Variants in CYRIA observed in about 807,000 individuals in gnomAD.
The protein encoded by CYRIA is CYFIP-related Rac1 interactor A.
A neutral mutation model predicts 43.9 loss-of-function variants in CYRIA; 15 were observed. The ratio of observed to expected loss-of-function variants is 0.34; its 90% confidence interval spans 0.23 to 0.53. The LOEUF (loss-of-function observed/expected upper bound fraction) is 0.53. CYRIA is among the 20% of genes least tolerant of loss of function. The pLI is 0.94. For missense variants in CYRIA, 236 were observed against 394.2 expected (o/e 0.60, Z 3.40); for synonymous variants, 117 against 136.0 (o/e 0.86, Z 0.97).
chr2:16,569,571 T>G (rs1667057590), intron 3 of CYRIA, among the ~76,000 whole-genome samples: 1 of 152,146 alleles, frequency 6.6e-6, no homozygotes. Flanking sequence ...TGGGCCAGAG[T>G]GCCATAAGAT....
chr2:16,622,663 G>T (rs1213464294), intron 2 of CYRIA, among the ~76,000 whole-genome samples: 2 of 152,180 alleles, frequency 1.3e-5, no homozygotes, highest in African/African-American at 2.4e-5. Context: ...GAAGCTTGGG[G>T]ATTTAAAATG....
At chr2:16,557,784 G>A (rs1666577799) in intron 10 of CYRIA, among the ~76,000 whole-genome samples, 1 of 152,058 alleles carries the variant, frequency 6.6e-6, no homozygotes, top group African/African-American at 2.4e-5. Flanking sequence ...AGGGCTACAA[G>A]GCATAATTTT....
At chr2:16,616,349 G>A (rs1347668165) in intron 2 of CYRIA, among the ~76,000 whole-genome samples, 4 of 152,080 alleles carry the variant, frequency 2.6e-5, no homozygotes, top group Admixed American at 1.3e-4. Context: ...TCTCCCCTTG[G>A]CTGGTTTCCC....
At chr2:16,599,696 G>A (rs542581349) in intron 2 of CYRIA, among the ~76,000 whole-genome samples, 236 of 151,332 alleles carry the variant, frequency 1.6e-3, no homozygotes, top group African/African-American at 5.3e-3. Flanking sequence ...CGTCTTCTGC[G>A]TCACTCACGC....
At chr2:16,629,114 A>C (rs1669248582) in intron 1 of CYRIA, among the ~76,000 whole-genome samples, 1 of 117,746 alleles carries the variant, frequency 8.5e-6, no homozygotes, top group African/African-American at 2.8e-5. Context: ...CCAGCACGGG[A>C]ATACAGCTGC....
intron 2 of CYRIA, among the ~76,000 whole-genome samples, chr2:16,621,200 G>T (rs1218166383): frequency 6.6e-6 from 1 of 152,190 alleles, no homozygotes; most frequent in East Asian, 1.9e-4. Context: ...TACCCTGAAG[G>T]CGAGAAAGAC....
At chr2:16,611,729 A>C (rs898022913) in intron 2 of CYRIA, among the ~76,000 whole-genome samples, 1 of 147,044 alleles carries the variant, frequency 6.8e-6, no homozygotes, top group Admixed American at 6.8e-5. Flanking sequence ...AACGTCCTTC[A>C]CTTTGGGATC....
At chr2:16,607,115 T>C (rs1478805914) in intron 2 of CYRIA, among the ~76,000 whole-genome samples, 1 of 152,188 alleles carries the variant, frequency 6.6e-6, no homozygotes, top group South Asian at 2.1e-4. Flanking sequence ...GGCTCTGCCT[T>C]TGTTTCCAGC....
At chr2:16,578,224 C>A (rs541332188) in intron 3 of CYRIA, among the ~76,000 whole-genome samples, 3 of 152,270 alleles carry the variant, frequency 2.0e-5, no homozygotes, top group African/African-American at 7.2e-5. Flanking sequence ...TAGCCCAGAT[C>A]CAGATTGGAT....
intron 3 of CYRIA, among the ~76,000 whole-genome samples, chr2:16,582,031 A>T (rs1404549303): frequency 6.6e-6 from 1 of 152,198 alleles, no homozygotes; most frequent in Non-Finnish European, 1.5e-5. Flanking sequence ...AGACCTGATC[A>T]GTAGCTGTTT....
chr2:16,656,083 CA>C (rs1241079672), intron 1 of CYRIA, among the ~76,000 whole-genome samples: 29 of 152,186 alleles, frequency 1.9e-4, no homozygotes, highest in African/African-American at 6.8e-4. Flanking sequence ...GAGCCTTGTC[CA>C]GAGAGTGCCT....
rs561731360 is a variant in CYRIA, at chr2:16,616,141, C to T, written c.-11+7723G>A. Among the ~76,000 whole-genome samples the T allele has an allele frequency of 5.3e-5, 8 of 152,164 alleles. No individual in the cohort carries two copies. The South Asian group carries it at 6.2e-4, about 12-fold the overall frequency. On this transcript the variant is annotated intron_variant, in intron 2 of 11. Transcript: ENST00000381323. ...CAGAAGAGGCCTGTGCTCACTTGGC[C>T]GTAGAGTGGTGGCCTGCTCTGTCCT...
chr2:16,660,768 T>C (rs1670231361), intron 1 of CYRIA, among the ~76,000 whole-genome samples: 1 of 152,188 alleles, frequency 6.6e-6, no homozygotes, highest in Non-Finnish European at 1.5e-5. Context: ...AGTGAAGTCA[T>C]TAAATAAGCA....
chr2:16,592,333 A>G (rs1010568131), intron 2 of CYRIA, among the ~76,000 whole-genome samples: 6 of 152,132 alleles, frequency 3.9e-5, no homozygotes, highest in Non-Finnish European at 7.4e-5. Flanking sequence ...GGGAGAGGAT[A>G]TACCAGTTGT....
intron 2 of CYRIA, among the ~76,000 whole-genome samples, chr2:16,619,352 T>C (rs1280816888): frequency 1.3e-5 from 2 of 152,222 alleles, no homozygotes; most frequent in South Asian, 2.1e-4. Context: ...CACACGTACA[T>C]AAAACCCTCT....
intron 2 of CYRIA, among the ~76,000 whole-genome samples, chr2:16,615,937 G>A (rs777846923): frequency 3.9e-5 from 6 of 152,196 alleles, no homozygotes; most frequent in Admixed American, 1.3e-4. Flanking sequence ...TTGGCATGGC[G>A]ACGCCTGGGA....
At chr2:16,565,000 T>A (rs534783450) in intron 4 of CYRIA, among the ~76,000 whole-genome samples, 1 of 152,310 alleles carries the variant, frequency 6.6e-6, no homozygotes, top group South Asian at 2.1e-4. Context: ...ATATTTCAAC[T>A]GTTGTTCACA....
In CYRIA at chr2:16,564,015, C is replaced by A; in HGVS notation, c.272G>T (p.Arg91Ile). 1 of 1,613,282 alleles carries A rather than the reference C, an allele frequency of 6.2e-7. No homozygotes were observed. Among genetic ancestry groups the A allele is most frequent in the Non-Finnish European group, 8.5e-7 (1 of 1,179,564 alleles). Residue 91 changes from arginine to isoleucine, a missense_variant, in exon 5 of 12, where the codon AGA (arginine) becomes ATA (isoleucine). Arg to Ile is a moderately conservative substitution (Grantham distance 97). Coordinates refer to ENST00000381323, the MANE Select transcript of CYRIA (RefSeq NM_030797.4). ...AVCPLVVRLK[R>I]FYEFSIRLEK... Reference sequence around the variant, plus strand: ...TAGTCTAATGGAAAACTCGTAAAATCTCTTTAGCCTCACAACAAGAGGGCA... The same window carrying A: ...TAGTCTAATGGAAAACTCGTAAAATATCTTTAGCCTCACAACAAGAGGGCA...
chr2:16,632,475 T>G (rs1257149893), intron 1 of CYRIA, among the ~76,000 whole-genome samples: 1 of 152,152 alleles, frequency 6.6e-6, no homozygotes, highest in East Asian at 1.9e-4. Context: ...GAGCCTCAAT[T>G]TCCTCATGTG....
Sources: allele counts gnomAD v4.1 joint callset (sites outside exome capture counted in the v4.1 genomes callset), GRCh38; gene constraint gnomAD v4.1.1; transcripts MANE v1.5; gene names NCBI Gene and HGNC (gene_info 2026-07-23, HGNC 2026-07-21).